EBF3: variants seen among roughly 807,000 people sequenced by gnomAD.
EBF3 encodes the protein transcription factor COE3.
EBF3 carries 18 observed loss-of-function variants against 77.1 expected under a neutral mutation model. The observed-to-expected ratio is 0.23, with a 90% CI of 0.16 to 0.35. The LOEUF (loss-of-function observed/expected upper bound fraction) is 0.35. Ranked by LOEUF, EBF3 falls within the 10% of genes least tolerant of loss-of-function variation. EBF3 has a pLI of 1.00. For missense variants in EBF3, 558 were observed against 860.0 expected, an observed-to-expected ratio of 0.65 and a Z score of 4.39; for synonymous variants, 350 against 343.5, an observed-to-expected ratio of 1.02 and a Z score of -0.21.
chr10:129,960,033 C>G (rs1287354038), intron 4 of EBF3, among the ~76,000 whole-genome samples: 1 of 151,912 alleles, frequency 6.6e-6, no homozygotes, highest in Non-Finnish European at 1.5e-5. Flanking sequence ...CCGGCTCCGC[C>G]GCTGGGAACC....
intron 6 of EBF3, among the ~76,000 whole-genome samples, chr10:129,949,129 T>C (rs979411914): frequency 6.6e-5 from 10 of 151,974 alleles, no homozygotes; most frequent in Admixed American, 6.6e-4. Flanking sequence ...AGAAACCCTG[T>C]CTCTACTAAA....
chr10:129,959,123 G>T, intron 4 of EBF3, 116 bp from the exon 5 acceptor site: 2 of 1,265,618 alleles, frequency 1.6e-6, no homozygotes, highest in Non-Finnish European at 2.2e-6. Context: ...GAGGGGAGGC[G>T]ATGCGCCCCC....
chr10:129,953,699 C>A (rs531664530), intron 6 of EBF3, among the ~76,000 whole-genome samples: 1 of 152,348 alleles, frequency 6.6e-6, no homozygotes, highest in East Asian at 1.9e-4. Flanking sequence ...GCTCCCACCA[C>A]CCCTACAGTT....
At chr10:129,920,256 G>A (rs920417405) in intron 6 of EBF3, among the ~76,000 whole-genome samples, 36 of 123,552 alleles carry the variant, frequency 2.9e-4, no homozygotes, top group African/African-American at 1.1e-3. Context: ...AACCCGCCCC[G>A]CTGTGCAGTC....
intron 6 of EBF3, among the ~76,000 whole-genome samples, chr10:129,917,207 A>G (rs1053454498): frequency 1.3e-5 from 2 of 152,110 alleles, no homozygotes; most frequent in African/African-American, 4.8e-5. Flanking sequence ...CATCTCTACT[A>G]AAAATACAAA....
At chr10:129,960,965 A>G (rs1859469983) in intron 4 of EBF3, among the ~76,000 whole-genome samples, 1 of 152,262 alleles carries the variant, frequency 6.6e-6, no homozygotes, top group African/African-American at 2.4e-5. Flanking sequence ...TTTGTCAGAA[A>G]GACCTTAGTT....
intron 6 of EBF3, among the ~76,000 whole-genome samples, chr10:129,895,005 T>C (rs1370113072): frequency 6.6e-6 from 1 of 152,156 alleles, no homozygotes; most frequent in Non-Finnish European, 1.5e-5. Context: ...TGGCAGAGGC[T>C]GTAAAGCCTG....
intron 6 of EBF3, among the ~76,000 whole-genome samples, chr10:129,906,434 G>A (rs181579350): frequency 1.8e-4 from 28 of 152,176 alleles, no homozygotes; most frequent in Admixed American, 1.2e-3. Flanking sequence ...GAATTTCCGC[G>A]CCCTGTACAG....
chr10:129,922,171 C>A (rs768604841), intron 6 of EBF3, among the ~76,000 whole-genome samples: 1 of 152,208 alleles, frequency 6.6e-6, no homozygotes. Context: ...CTTTGCCCAA[C>A]AAGAGCAGAG....
chr10:129,878,647 T>C, intron 6 of EBF3, among the ~76,000 whole-genome samples: 1 of 114,758 alleles, frequency 8.7e-6, no homozygotes. Flanking sequence ...GGTTGACAGC[T>C]CAAGGCTCTG....
intron 8 of EBF3, among the ~76,000 whole-genome samples, chr10:129,871,607 G>A (rs955866010): frequency 6.6e-6 from 1 of 152,144 alleles, no homozygotes; most frequent in Non-Finnish European, 1.5e-5. Flanking sequence ...GGAGGGAAGG[G>A]GTTTGGGGGA....
At chr10:129,940,580 T>G (rs966605284) in intron 6 of EBF3, among the ~76,000 whole-genome samples, 3 of 152,238 alleles carry the variant, frequency 2.0e-5, no homozygotes, top group African/African-American at 7.2e-5. Flanking sequence ...GAGGCATACC[T>G]TGTAAAGAGC....
At chr10:129,951,754 G>A (rs1342258529) in intron 6 of EBF3, among the ~76,000 whole-genome samples, 2 of 152,362 alleles carry the variant, frequency 1.3e-5, no homozygotes, top group African/African-American at 2.4e-5. Flanking sequence ...CCGTGCAGCC[G>A]GCGTGGTGCA....
In EBF3 at chr10:129,848,300, C is replaced by G; in HGVS notation, c.1128+92G>C. On this transcript the variant is annotated intron_variant, in intron 11 of 16. Transcript: ENST00000440978. The surrounding 1 kb of genome is among the most constrained non-coding windows in gnomAD (Gnocchi z 4.4). The stretch of plus-strand genomic sequence containing the variant: ...GCACAGAGTTTGGGGAATCTGCAAT[C>G]CCCCCTTCCCAGAGCACCTGCTGCC... 1 of 1,297,924 alleles carries G rather than the reference C, an allele frequency of 7.7e-7. No homozygotes were observed. The allele number at this position is 1,297,924 out of a possible 1,614,324, so 80.4% of individuals were successfully genotyped here. A position where few individuals can be genotyped will look rare whatever the true frequency, so the allele number is the denominator to read the frequency against.
chr10:129,851,724 T>C (rs1850897842), intron 10 of EBF3, among the ~76,000 whole-genome samples: 1 of 152,170 alleles, frequency 6.6e-6, no homozygotes, highest in Non-Finnish European at 1.5e-5. Flanking sequence ...TGAATGTATG[T>C]GTGAAATTAT....
chr10:129,889,802 C>CA (rs57252162), intron 6 of EBF3, among the ~76,000 whole-genome samples: 58,861 of 114,648 alleles, frequency 0.51, 14,813 homozygotes, highest in Middle Eastern at 0.6. Context: ...GTCACATCTG[C>CA]AAAAAAAAAA....
chr10:129,949,256 G>A (rs1261340767), intron 6 of EBF3, among the ~76,000 whole-genome samples: 6 of 152,198 alleles, frequency 3.9e-5, no homozygotes, highest in African/African-American at 1.4e-4. Context: ...AGCCGAGATC[G>A]TGCCATTGTA....
chr10:129,897,176 C>A lies in EBF3; in HGVS notation c.555-19327G>T, dbSNP rs890155902. Among the ~76,000 whole-genome samples, 5 of 152,200 alleles carry A rather than the reference C, an allele frequency of 3.3e-5. No homozygotes were observed. Among genetic ancestry groups the A allele is most frequent in the African/African-American group, 1.2e-4 (5 of 41,450 alleles). The stretch of plus-strand genomic sequence containing the variant: ...GGGATGAGCACTGTGGTCACAGACA[C>A]ACTCGCGGTGTACACGGGCCCTCCA... On this transcript the variant is annotated intron_variant, in intron 6 of 16. Transcript: ENST00000440978. The surrounding 1 kb of genome is among the most constrained non-coding windows in gnomAD (Gnocchi z 4.6).
At chr10:129,865,543 G>A (rs1460967729) in intron 10 of EBF3, among the ~76,000 whole-genome samples, 1 of 152,176 alleles carries the variant, frequency 6.6e-6, no homozygotes, top group African/African-American at 2.4e-5. Context: ...GGCCCCTAGT[G>A]TGGGGCAGGC....
Sources: allele counts gnomAD v4.1 joint callset (sites outside exome capture counted in the v4.1 genomes callset), GRCh38; gene constraint gnomAD v4.1.1; non-coding constraint Gnocchi (gnomAD v3.1); transcripts MANE v1.5; gene names NCBI Gene and HGNC (gene_info 2026-07-23, HGNC 2026-07-21).